Variants in GGT1 observed in about 807,000 individuals in gnomAD.
GGT1 encodes the protein gamma-glutamyltransferase 1.
In GGT1, 21 loss-of-function variants were observed where a neutral mutation model predicts 56.0. That is an observed-to-expected ratio of 0.38 (90% confidence interval 0.27 to 0.54). The LOEUF (loss-of-function observed/expected upper bound fraction) is 0.54, where lower values mean the gene tolerates loss of function less well. GGT1 is among the 20% of genes least tolerant of loss of function. GGT1 has a pLI of 0.82. For missense variants in GGT1, 466 were observed against 787.0 expected, an observed-to-expected ratio of 0.59 and a Z score of 4.88; for synonymous variants, 238 against 342.6, an observed-to-expected ratio of 0.69 and a Z score of 3.37.
intron 11 of GGT1, among the ~76,000 whole-genome samples, chr22:24,626,085 C>T (rs1396795038): frequency 7.6e-6 from 1 of 132,170 alleles, no homozygotes; most frequent in Non-Finnish European, 1.6e-5. Context: ...CTCCGCCTCC[C>T]AGGTTCACGC....
chr22:24,602,961 G>A (rs1293430083), upstream of GGT1, among the ~76,000 whole-genome samples: 3 of 152,172 alleles, frequency 2.0e-5, no homozygotes, highest in South Asian at 2.1e-4. Flanking sequence ...CAGCCCCACC[G>A]AGGCTTTCAG....
intron 5 of GGT1, among the ~76,000 whole-genome samples, chr22:24,613,231 C>T (rs1404828085): frequency 6.6e-6 from 1 of 152,066 alleles, no homozygotes; most frequent in Non-Finnish European, 1.5e-5. Flanking sequence ...GTGCATCACA[C>T]CTGACTAATT....
rs2046629651 is a variant in GGT1 at position 24,611,139 on chromosome 22, G to T, written c.58G>T (p.Val20Phe). The change falls in exon 5 of 16, where the codon GTC becomes TTC. Residue 20 changes from valine (V) to phenylalanine (F), a missense_variant. This residue lies in a region of GGT1 where 456 missense variants were observed against 716.7 expected (regional missense o/e 0.64). Transcript: ENST00000400382. ...LLAVVLVLVIVGLCLWLPSAS... is the reference protein window; with the variant it reads ...LLAVVLVLVIFGLCLWLPSAS... ...GGCCGTGGTCCTGGTGCTGGTCATT[G>T]TCGGCCTCTGTCTCTGGCTGCCCTC... is the stretch of plus-strand genomic sequence containing the variant. The T allele has an allele frequency of 1.2e-6, 2 of 1,600,808 alleles. No homozygotes were observed. The highest frequency in any genetic ancestry group is 1.7e-6 in the Non-Finnish European group (2 of 1,173,804).
chr22:24,617,471 G>A (rs1411202565), intron 7 of GGT1, among the ~76,000 whole-genome samples: 2 of 151,918 alleles, frequency 1.3e-5, no homozygotes, highest in African/African-American at 4.9e-5. Context: ...CCTGTCTGGA[G>A]GTCACTGCAG....
chr22:24,610,346 C>A lies in GGT1; in HGVS notation c.-193C>A. On this transcript the variant is annotated 5_prime_UTR_variant, in exon 4 of 16. Coordinates refer to ENST00000400382, the MANE Select transcript of GGT1 (RefSeq NM_001288833.2). The stretch of plus-strand genomic sequence containing the variant: ...GCTGCGCGTGCTTCAGGTAACCTCC[C>A]TTGACCTTCAGGAGAACGAGAAGGC... 1 of 237,674 alleles carries A rather than the reference C, an allele frequency of 4.2e-6. No homozygotes were observed. The highest frequency in any genetic ancestry group is 5.1e-5 in the Admixed American group (1 of 19,628). 14.7% of individuals were successfully genotyped at this position (237,674 alleles called of 1,614,324 possible). A position where few individuals can be genotyped will look rare whatever the true frequency, so the allele number is the denominator to read the frequency against.
At position 24,623,219 on chromosome 22, in the gene GGT1, C is replaced by T. The variant is rs755986558; in HGVS notation, c.846C>T (p.Ser282=). 1.1e-5 allele frequency: 17 copies of T among 1,596,480 alleles called. No individual in the cohort carries two copies. The highest frequency in any genetic ancestry group is 7.8e-5 in the South Asian group (7 of 89,396). Reference sequence around the variant, plus strand: ...TGTACATGCCCAGTGCGCCGCTCAGCGGGCCCGTGCTGGCCCTCATCCTCA... The same window carrying T: ...TGTACATGCCCAGTGCGCCGCTCAGTGGGCCCGTGCTGGCCCTCATCCTCA... ...VVLYMPSAPL[S]GPVLALILNI... The change falls in exon 10 of 16, where the codon AGC becomes AGT. Residue 282 remains serine, a synonymous_variant. Coordinates refer to ENST00000400382, the MANE Select transcript of GGT1 (RefSeq NM_001288833.2).
At chr22:24,594,019 G>A (rs1376639114), upstream of GGT1, among the ~76,000 whole-genome samples, 1 of 152,202 alleles carries the variant, frequency 6.6e-6, no homozygotes, top group Non-Finnish European at 1.5e-5. Flanking sequence ...TGTATCTGCC[G>A]CTGGCTTCAG....
At chr22:24,586,284 C>T in the GGT1 span, 1 of 1,613,984 alleles carries the variant, frequency 6.2e-7, no homozygotes, top group Non-Finnish European at 8.5e-7. Flanking sequence ...AGGTCCAGCA[C>T]CGCCAGCACA....
At chr22:24,588,008 G>A in the GGT1 span, among the ~76,000 whole-genome samples, 211 of 152,272 alleles carry the variant, frequency 1.4e-3, no homozygotes, top group Non-Finnish European at 2.2e-3. Context: ...AATGCCAAAC[G>A]GGTCACTCAG....
At chr22:24,607,927 C>T in intron 1 of GGT1, 27 bp from the exon 2 acceptor site, 1 of 464,104 alleles carries the variant, frequency 2.2e-6, no homozygotes, top group South Asian at 1.6e-5. Flanking sequence ...CTTTCCCAGG[C>T]AGACAAGTCT....
intron 11 of GGT1, 55 bp from the exon 12 acceptor site, chr22:24,627,377 C>CCCCCAGGG: frequency 2.1e-5 from 17 of 812,776 alleles, no homozygotes; most frequent in Non-Finnish European, 3.2e-5. Flanking sequence ...GAGACCTGTG[C>CCCCCAGGG]CCCCTCCCCA....
intron 1 of GGT1, among the ~76,000 whole-genome samples, chr22:24,604,879 A>G (rs1228114125): frequency 2.7e-5 from 4 of 148,500 alleles, no homozygotes; most frequent in African/African-American, 1.0e-4. Flanking sequence ...GCCAGGCTTC[A>G]GCTGTGCCCC....
rs45445196 is a variant in GGT1 at position 24,628,314 on chromosome 22, C to T, written c.1489C>T (p.Arg497Trp). 3.8e-5 allele frequency: 61 copies of T among 1,611,682 alleles called. No homozygotes were observed. Among genetic ancestry groups the T allele is most frequent in the Non-Finnish European group, 4.7e-5 (55 of 1,179,822 alleles). ...CCTCTGGTTCGGCTATGACGTGAAG[C>T]GGGCCGTGGAGGAGCCCCGGCTGCA... ...YNLWFGYDVK[R>W]AVEEPRLHNQ... The change falls in exon 15 of 16, where the codon CGG becomes TGG. Residue 497 changes from arginine to tryptophan, a missense_variant. Transcript: ENST00000400382. This position sits in a 1 kb window ranked among gnomAD's most constrained non-coding sequence, Gnocchi z 5.7.
chr22:24,588,923 C>G, the GGT1 span: 1 of 1,002,260 alleles, frequency 1.0e-6, no homozygotes. Flanking sequence ...GGGTGGAATC[C>G]GAGGTGCGCG....
the GGT1 span, among the ~76,000 whole-genome samples, chr22:24,587,549 T>C: frequency 6.6e-6 from 1 of 151,904 alleles, no homozygotes; most frequent in Non-Finnish European, 1.5e-5. Context: ...GGAGGCCTGC[T>C]AGGGTAAGCT....
intron 9 of GGT1, among the ~76,000 whole-genome samples, chr22:24,621,887 C>T (rs1243964919): frequency 6.6e-6 from 1 of 151,682 alleles, no homozygotes; most frequent in Non-Finnish European, 1.5e-5. Context: ...CCTGTCTCTA[C>T]TAAAAATGCA....
At chr22:24,586,157 C>T in the GGT1 span, 240 of 1,613,402 alleles carry the variant, frequency 1.5e-4, 1 homozygote, top group Admixed American at 1.8e-3. Context: ...AGTGAGCTTG[C>T]GGGCAGTGGC....
At chr22:24,614,348 C>CCAAAAAA (rs2046904004) in intron 5 of GGT1, among the ~76,000 whole-genome samples, 1 of 10,734 alleles carries the variant, frequency 9.3e-5, no homozygotes, top group African/African-American at 2.5e-4. Context: ...GACTTTGTCT[C>CCAAAAAA]AAAAAAAAAA....
chr22:24,592,506 T>C, upstream of GGT1: 1 of 441,408 alleles, frequency 2.3e-6, no homozygotes, highest in Non-Finnish European at 4.7e-6. Context: ...CCCGGGCCCC[T>C]CCCATCTTGC....
Sources: allele counts gnomAD v4.1 joint callset (sites outside exome capture counted in the v4.1 genomes callset), GRCh38; gene constraint gnomAD v4.1.1; regional missense constraint gnomAD v4.1.1; non-coding constraint Gnocchi (gnomAD v3.1); transcripts MANE v1.5; gene names NCBI Gene and HGNC (gene_info 2026-07-23, HGNC 2026-07-21).